Variants in YAE1 observed in about 807,000 individuals in gnomAD.
YAE1 encodes YAE1 maturation factor of ABCE1.
In YAE1, 22 loss-of-function variants were observed where a neutral mutation model predicts 23.0. The observed-to-expected ratio is 0.96, with a 90% CI of 0.68 to 1.37. YAE1 has a LOEUF of 1.37. Ranked by LOEUF, YAE1 falls within the 40% of genes most tolerant of loss-of-function variation. The pLI is 0.00. For missense variants in YAE1, 260 were observed against 262.1 expected (o/e 0.99, Z 0.06); for synonymous variants, 101 against 97.0 (o/e 1.04, Z -0.24).
intron 2 of YAE1, among the ~76,000 whole-genome samples, chr7:39,599,440 ATC>A (rs1791023446): frequency 6.6e-6 from 1 of 151,908 alleles, no homozygotes; most frequent in African/African-American, 2.4e-5. Context: ...CAGTGGCGCA[ATC>A]TCAGCTCACT....
chr7:39,611,378 G>A (rs1188939817), downstream of YAE1, among the ~76,000 whole-genome samples: 1 of 152,136 alleles, frequency 6.6e-6, no homozygotes, highest in Non-Finnish European at 1.5e-5. Flanking sequence ...GAGTTCACTG[G>A]GTCCTGAACC....
intron 2 of YAE1, among the ~76,000 whole-genome samples, chr7:39,585,608 C>A (rs987597206): frequency 6.6e-6 from 1 of 152,216 alleles, no homozygotes. Flanking sequence ...CAAGCTCATA[C>A]ACTACTCCTC....
chr7:39,582,559 G>A (rs1790761398), intron 2 of YAE1, among the ~76,000 whole-genome samples: 1 of 152,144 alleles, frequency 6.6e-6, no homozygotes, highest in African/African-American at 2.4e-5. Context: ...GCCAATATGA[G>A]GTCTGTATGA....
intron 1 of YAE1, among the ~76,000 whole-genome samples, chr7:39,567,502 C>T (rs944777710): frequency 6.6e-6 from 1 of 152,032 alleles, no homozygotes; most frequent in Non-Finnish European, 1.5e-5. Flanking sequence ...CTGCTTTGCC[C>T]TGTCTCCTCA....
intron 2 of YAE1, among the ~76,000 whole-genome samples, chr7:39,604,080 A>T (rs923041631): frequency 1.3e-5 from 2 of 152,232 alleles, no homozygotes; most frequent in African/African-American, 4.8e-5. Context: ...GGCAGGAAAT[A>T]TGGAGGAAGG....
chr7:39,601,079 CT>C (rs1791048779), intron 2 of YAE1, among the ~76,000 whole-genome samples: 1 of 152,274 alleles, frequency 6.6e-6, no homozygotes, highest in South Asian at 2.1e-4. Flanking sequence ...AAGATTTTGT[CT>C]GTATTATTTT....
At chr7:39,597,250 TCA>T (rs1790988992) in intron 2 of YAE1, among the ~76,000 whole-genome samples, 2 of 152,222 alleles carry the variant, frequency 1.3e-5, no homozygotes, top group African/African-American at 2.4e-5. Context: ...CATTTCTCTC[TCA>T]GAGTCTTGTG....
rs1790550736 is a variant in YAE1, at chr7:39,570,628, G to A, written c.251+1G>A. On this transcript the variant is annotated splice_donor_variant, in intron 2 of 2. Transcript: ENST00000223273. LOFTEE classifies it high-confidence loss of function. Reference sequence around the variant, plus strand: ...ATGGACGACTCCGAGGAACATTGAGGTAATTTTTAAAGTCTAAATGCTGAA... The same window carrying A: ...ATGGACGACTCCGAGGAACATTGAGATAATTTTTAAAGTCTAAATGCTGAA... The A allele has an allele frequency of 1.9e-6, 3 of 1,589,454 alleles. No homozygotes were observed. Among genetic ancestry groups the A allele is most frequent in the Admixed American group, 3.9e-5 (2 of 50,848 alleles).
At chr7:39,604,667 T>C (rs1446458127) in intron 2 of YAE1, among the ~76,000 whole-genome samples, 1 of 152,220 alleles carries the variant, frequency 6.6e-6, no homozygotes, top group African/African-American at 2.4e-5. Flanking sequence ...TCATAAATAA[T>C]GGTTTCAGTG....
In YAE1 at chr7:39,572,467, G is replaced by A. The variant is rs1790586339; in HGVS notation, c.442G>A (p.Ala148Thr). 6.2e-7 allele frequency: 1 copy of A among 1,614,144 alleles called. No individual in the cohort carries two copies. The highest frequency in any genetic ancestry group is 8.5e-7 in the Non-Finnish European group (1 of 1,179,996). ...TATGGACCTTTGTCATGTAGTTCCAGCTGAGAAAAAGATTGATGAAGCTAA... is the reference window on the plus strand; with the variant it reads ...TATGGACCTTTGTCATGTAGTTCCAACTGAGAAAAAGATTGATGAAGCTAA... ...EDMDLCHVVP[A>T]EKKIDEAKDE... The change falls in exon 3 of 3, where the codon GCT (alanine) becomes ACT (threonine). Residue 148 changes from alanine (A) to threonine (T), a missense_variant. Physicochemically the swap from Ala to Thr is moderately conservative, Grantham distance 58. Coordinates refer to ENST00000223273, the MANE Select transcript of YAE1 (RefSeq NM_020192.5).
intron 2 of YAE1, among the ~76,000 whole-genome samples, chr7:39,600,945 C>T (rs530106555): frequency 1.9e-4 from 29 of 152,252 alleles, no homozygotes; most frequent in African/African-American, 6.3e-4. Context: ...CTATTTCTGT[C>T]GTTTAAGCCA....
intron 1 of YAE1, chr7:39,570,104 C>T (rs1157779953): frequency 3.9e-6 from 4 of 1,024,396 alleles, no homozygotes; most frequent in East Asian, 4.8e-5. Flanking sequence ...TGTGATGATG[C>T]GTACGTTGCT....
downstream of YAE1, among the ~76,000 whole-genome samples, chr7:39,574,780 C>CT (rs1790628276): frequency 6.6e-6 from 1 of 151,764 alleles, no homozygotes; most frequent in African/African-American, 2.4e-5. Flanking sequence ...TGTTAAGTCC[C>CT]TGTAGTCTTC....
At chr7:39,610,162 A>G in exon 3 of YAE1, 1 of 774,036 alleles carries the variant, frequency 1.3e-6, no homozygotes, top group Non-Finnish European at 2.0e-6. Context: ...AAGATTTGGG[A>G]GGAGTATGAG....
intron 2 of YAE1, among the ~76,000 whole-genome samples, chr7:39,587,499 A>G (rs12531635): frequency 0.3 from 45,624 of 152,138 alleles, 7,187 homozygotes; most frequent in East Asian, 0.42. Context: ...TATACACTGA[A>G]TTTTCCAGGG....
chr7:39,579,628 A>G (rs1229503169), intron 2 of YAE1, among the ~76,000 whole-genome samples: 2 of 150,660 alleles, frequency 1.3e-5, no homozygotes, highest in Non-Finnish European at 2.9e-5. Flanking sequence ...AGATCACGCC[A>G]CTGCACTCCA....
chr7:39,589,509 T>C (rs900854186), intron 2 of YAE1, among the ~76,000 whole-genome samples: 2 of 152,114 alleles, frequency 1.3e-5, no homozygotes, highest in African/African-American at 4.8e-5. Flanking sequence ...TCCTCCTACC[T>C]TGGCCTCTCA....
chr7:39,570,241 A>G (rs1053534569), intron 1 of YAE1: 3 of 631,054 alleles, frequency 4.8e-6, no homozygotes, highest in Admixed American at 6.2e-5. Context: ...GCGGCCCAAC[A>G]CTAGGTTTTT....
At chr7:39,597,356 G>C (rs1437284174) in intron 2 of YAE1, among the ~76,000 whole-genome samples, 1 of 152,100 alleles carries the variant, frequency 6.6e-6, no homozygotes, top group Non-Finnish European at 1.5e-5. Context: ...GACTGCTTGA[G>C]CCCAAGAGTT....
Sources: allele counts gnomAD v4.1 joint callset (sites outside exome capture counted in the v4.1 genomes callset), GRCh38; gene constraint gnomAD v4.1.1; transcripts MANE v1.5; gene names NCBI Gene and HGNC (gene_info 2026-07-23, HGNC 2026-07-21).